LUZP2: variants seen among roughly 807,000 people sequenced by gnomAD.
LUZP2 encodes leucine zipper protein 2.
A neutral mutation model predicts 51.6 loss-of-function variants in LUZP2; 52 were observed. The ratio of observed to expected loss-of-function variants is 1.01; its 90% CI spans 0.81 to 1.27. The LOEUF (loss-of-function observed/expected upper bound fraction) is 1.27, where lower values mean the gene tolerates loss of function less well. Ranked by LOEUF, LUZP2 falls within the 50% of genes most tolerant of loss-of-function variation. LUZP2 has a pLI of 0.00. For synonymous variants in LUZP2, 154 were observed against 137.3 expected (o/e 1.12, Z -0.85); for missense variants, 436 against 395.4 (o/e 1.10, Z -0.87).
At chr11:25,026,870 ATTAT>A (rs1264830326) in intron 9 of LUZP2, among the ~76,000 whole-genome samples, 1 of 133,420 alleles carries the variant, frequency 7.5e-6, no homozygotes, top group African/African-American at 3.1e-5. Context: ...TTTTTTAATT[ATTAT>A]TTTTTTTCTT....
At chr11:24,816,928 G>A (rs1850201427) in intron 5 of LUZP2, among the ~76,000 whole-genome samples, 1 of 151,970 alleles carries the variant, frequency 6.6e-6, no homozygotes, top group Non-Finnish European at 1.5e-5. Context: ...AACCAAGCAA[G>A]AAAGAATTCA....
At chr11:25,055,246 T>A (rs1858649122) in intron 10 of LUZP2, among the ~76,000 whole-genome samples, 1 of 152,042 alleles carries the variant, frequency 6.6e-6, no homozygotes, top group African/African-American at 2.4e-5. Context: ...CTTGACCTTG[T>A]GATCCACCCG....
At chr11:24,527,068 G>A (rs887100675) in intron 1 of LUZP2, among the ~76,000 whole-genome samples, 2 of 151,238 alleles carry the variant, frequency 1.3e-5, no homozygotes, top group African/African-American at 4.8e-5. Flanking sequence ...TGAGTCAGTG[G>A]CGACCCTCCA....
intron 1 of LUZP2, among the ~76,000 whole-genome samples, chr11:24,552,771 A>C (rs945112784): frequency 1.3e-5 from 2 of 152,050 alleles, no homozygotes; most frequent in African/African-American, 2.4e-5. Context: ...CTGGGTAAAC[A>C]TTTAAATCCT....
In LUZP2 at chr11:24,696,811, GA is replaced by G. The variant is rs548804692; in HGVS notation, c.63-32349del. ...ATAAACAACATTAACAGAATCTTAA[GA>G]AAAAAAAACATGAGATTGGGTAAGT... On this transcript the variant is annotated intron_variant, in intron 1 of 11. Transcript: ENST00000336930. 3.8e-3 allele frequency among the ~76,000 whole-genome samples: 577 copies of G among 150,108 alleles called. 6 individuals are homozygous for G. The highest frequency in any genetic ancestry group is 0.012 in the African/African-American group (500 of 41,010).
chr11:24,518,434 A>G (rs1318781), intron 1 of LUZP2, among the ~76,000 whole-genome samples: 115,441 of 152,042 alleles, frequency 0.76, 44,394 homozygotes, highest in African/African-American at 0.89. Context: ...ACAAGATAAC[A>G]AGCTATTTGA....
chr11:24,988,610 T>A (rs1362685338), intron 9 of LUZP2, among the ~76,000 whole-genome samples: 1 of 152,068 alleles, frequency 6.6e-6, no homozygotes, highest in Non-Finnish European at 1.5e-5. Context: ...GACTATGTAA[T>A]GTGGTCCTTT....
At chr11:24,634,130 G>A (rs1045371938) in intron 1 of LUZP2, among the ~76,000 whole-genome samples, 9 of 151,910 alleles carry the variant, frequency 5.9e-5, no homozygotes, top group African/African-American at 2.2e-4. Flanking sequence ...CTCTACTTCA[G>A]TCATCTTATA....
intron 6 of LUZP2, among the ~76,000 whole-genome samples, chr11:24,911,601 T>C (rs1490785097): frequency 6.6e-6 from 1 of 152,138 alleles, no homozygotes; most frequent in Non-Finnish European, 1.5e-5. Context: ...ATTATAAGTG[T>C]CCTGAGGCCT....
chr11:24,739,367 A>G (rs1859053388), intron 4 of LUZP2, among the ~76,000 whole-genome samples: 1 of 151,948 alleles, frequency 6.6e-6, no homozygotes, highest in Non-Finnish European at 1.5e-5. Flanking sequence ...GAGATAATAA[A>G]AGGGGGGCAG....
chr11:24,639,408 C>T (rs957595443), intron 1 of LUZP2, among the ~76,000 whole-genome samples: 3 of 151,210 alleles, frequency 2.0e-5, no homozygotes, highest in Non-Finnish European at 1.5e-5. Flanking sequence ...TTTTATGTTT[C>T]CCCTTATATT....
Position 25,082,104 on chromosome 11 carries a change from T to C in LUZP2, c.*3446T>C, listed in dbSNP as rs935712826. The C allele has an allele frequency of 3.9e-5, 6 of 152,584 alleles. No homozygotes were observed. Among genetic ancestry groups the C allele is most frequent in the African/African-American group, 1.4e-4 (6 of 41,446 alleles). 9.5% of individuals were successfully genotyped at this position (152,584 alleles called of 1,614,324 possible). A position where few individuals can be genotyped will look rare whatever the true frequency, so the allele number is the denominator to read the frequency against. ...GAAGAAAAGTGAATAATTCAGTCAT[T>C]CATCTGGATGTAGTTTTCTGTGTAA... On this transcript the variant is annotated 3_prime_UTR_variant, in exon 12 of 12. Coordinates refer to ENST00000336930, the MANE Select transcript of LUZP2 (RefSeq NM_001009909.4).
intron 9 of LUZP2, among the ~76,000 whole-genome samples, chr11:25,018,043 T>TTGTTTTGTTTTG (rs1554955725): frequency 5.2e-4 from 16 of 30,740 alleles, no homozygotes; most frequent in African/African-American, 8.2e-4. Flanking sequence ...TTCTGTTTTT[T>TTGTTTTGTTTTG]TTTTGTTTTT....
intron 1 of LUZP2, among the ~76,000 whole-genome samples, chr11:24,527,725 T>C (rs1473021734): frequency 6.6e-6 from 1 of 151,166 alleles, no homozygotes; most frequent in East Asian, 1.9e-4. Flanking sequence ...GACTTTACAC[T>C]GAGCATGTTC....
intron 10 of LUZP2, among the ~76,000 whole-genome samples, chr11:25,074,304 T>G (rs1299423718): frequency 6.6e-6 from 1 of 152,154 alleles, no homozygotes; most frequent in East Asian, 1.9e-4. Context: ...TGGCCTTATC[T>G]CTGGTGCCTC....
Position 24,732,199 on chromosome 11 carries a change from TC to T in LUZP2, c.251+12del. 6.3e-7 allele frequency: 1 copy of T among 1,586,702 alleles called. No homozygotes were observed. Among genetic ancestry groups the T allele is most frequent in the Non-Finnish European group, 8.6e-7 (1 of 1,164,520 alleles). Reference sequence around the variant, plus strand: ...AGGACAGAAACAAAGGTAAGACTTTTCTTTTTTTCTTAGTTATTTCTGCCAT... The same window carrying T: ...AGGACAGAAACAAAGGTAAGACTTTTTTTTTTTCTTAGTTATTTCTGCCAT... On this transcript the variant is annotated intron_variant, in intron 3 of 11. Transcript: ENST00000336930.
intron 9 of LUZP2, among the ~76,000 whole-genome samples, chr11:25,029,854 G>A (rs1857596325): frequency 6.6e-6 from 1 of 151,226 alleles, no homozygotes; most frequent in South Asian, 2.1e-4. Flanking sequence ...TATTGTATAT[G>A]TTGTTTTGTG....
rs113462991 is a variant in LUZP2 at position 24,920,711 on chromosome 11, T to A, written c.522+6173T>A. On this transcript the variant is annotated intron_variant, in intron 7 of 11. Transcript: ENST00000336930. ...ACAGAAATAAAAAAAAAAACCTGCA[T>A]GTTCTCACTTAAAAATGGAAGCTAA... Among the ~76,000 whole-genome samples, 670 of 151,050 alleles carry A rather than the reference T, an allele frequency of 4.4e-3. 4 individuals carry two copies. The highest frequency in any genetic ancestry group is 0.015 in the African/African-American group (636 of 41,186).
intron 1 of LUZP2, among the ~76,000 whole-genome samples, chr11:24,556,636 T>C (rs1590176393): frequency 6.6e-6 from 1 of 152,254 alleles, no homozygotes; most frequent in East Asian, 1.9e-4. Context: ...TCTCATCAAA[T>C]GTTCTTCCTT....
Sources: gnomAD v4.1 joint callset for allele counts (sites outside exome capture counted in the v4.1 genomes callset) on GRCh38, gnomAD v4.1.1 for gene constraint, MANE v1.5 for transcripts, NCBI Gene and HGNC (gene_info 2026-07-23, HGNC 2026-07-21) for gene names.